The following GSAP variants were observed in gnomAD, a reference collection of about 807,000 sequenced individuals.
GSAP encodes the protein gamma-secretase activating protein, also known as gamma-secretase-activating protein.
Under a neutral mutation model 131.7 loss-of-function variants are expected in GSAP, and 118 were observed. The ratio of observed to expected loss-of-function variants is 0.90; its 90% CI spans 0.77 to 1.04. The LOEUF (loss-of-function observed/expected upper bound fraction) is 1.04, where lower values mean the gene tolerates loss of function less well. GSAP is among the 50% of genes least tolerant of loss of function. The probability of loss-of-function intolerance (pLI) is 0.00; values close to 1 mark genes in which losing one functional copy is unlikely to be tolerated. For missense variants in GSAP, 1,019 were observed against 1,013.2 expected, an observed-to-expected ratio of 1.01 and a Z score of -0.08; for synonymous variants, 381 against 363.4, an observed-to-expected ratio of 1.05 and a Z score of -0.55.
rs775555897 is a variant in GSAP at position 77,355,387 on chromosome 7, C to T, written c.1164G>A (p.Gln388=). 2 of 1,610,896 alleles carry T rather than the reference C, an allele frequency of 1.2e-6. No individual in the cohort carries two copies. Among genetic ancestry groups the T allele is most frequent in the South Asian group, 2.2e-5 (2 of 90,964 alleles). The change falls in exon 16 of 31, where the codon CAG becomes CAA. Residue 388 remains glutamine (Q), a synonymous_variant. Transcript: ENST00000257626. ...CCAATACCAGGGACCCTGACAATGA[C>T]TGTAAAGGGCAATGAGGTAGCATAT... The part of the protein sequence containing the change: ...MIDMLPHCPL[Q]SLSGSLVLDC...
chr7:77,397,276 A>T, intron 4 of GSAP, 70 bp downstream of exon 4: 1 of 971,448 alleles, frequency 1.0e-6, no homozygotes, highest in Middle Eastern at 2.2e-4. Flanking sequence ...TACTGCAAAA[A>T]TCTAATACTT....
chr7:77,330,849 C>G, intron 19 of GSAP: 4 of 982,502 alleles, frequency 4.1e-6, no homozygotes, highest in Non-Finnish European at 4.8e-6. Flanking sequence ...TTTTCAAAAC[C>G]TAGGAATCAA....
chr7:77,359,321 T>A (rs972421270), intron 14 of GSAP, among the ~76,000 whole-genome samples: 1 of 152,138 alleles, frequency 6.6e-6, no homozygotes, highest in Non-Finnish European at 1.5e-5. Flanking sequence ...GGAGATAATA[T>A]CACCAATCAG....
At chr7:77,400,211 G>A (rs902797902) in intron 3 of GSAP, among the ~76,000 whole-genome samples, 1 of 152,054 alleles carries the variant, frequency 6.6e-6, no homozygotes, top group Non-Finnish European at 1.5e-5. Context: ...TAGGAAATCA[G>A]GACTTTCAAC....
chr7:77,328,752 T>C (rs540391931), intron 21 of GSAP, 115 bp from the exon 22 acceptor site: 4 of 673,750 alleles, frequency 5.9e-6, no homozygotes, highest in Admixed American at 2.7e-5. Flanking sequence ...GTAGAAACTA[T>C]TCTCAAGCTG....
chr7:77,407,935 T>C (rs1442745480), intron 1 of GSAP, among the ~76,000 whole-genome samples: 1 of 152,198 alleles, frequency 6.6e-6, no homozygotes, highest in Non-Finnish European at 1.5e-5. Flanking sequence ...GAATTAATAT[T>C]CTGCAATAAC....
chr7:77,346,828 A>G (rs1215586950), intron 19 of GSAP, among the ~76,000 whole-genome samples: 2 of 152,040 alleles, frequency 1.3e-5, no homozygotes, highest in Non-Finnish European at 2.9e-5. Flanking sequence ...TGATGTTATA[A>G]TATCGGGTAT....
At position 77,413,902 on chromosome 7, in the gene GSAP, C is replaced by A. The variant is rs1237317871; in HGVS notation, c.109+2311G>T. On this transcript the variant is annotated intron_variant, in intron 1 of 30. Coordinates refer to ENST00000257626, the MANE Select transcript of GSAP (RefSeq NM_017439.4). ...ATTTACAGCTACCTGTTAAAATATT[C>A]TTTTATGTAGTTGTTTTGATTTTTA... 1.6e-3 allele frequency among the ~76,000 whole-genome samples: 239 copies of A among 150,534 alleles called. 6 individuals carry two copies. The highest frequency in any genetic ancestry group is 2.1e-4 in the Non-Finnish European group (14 of 67,594).
At chr7:77,410,897 T>A (rs1219425182) in intron 1 of GSAP, among the ~76,000 whole-genome samples, 1 of 152,114 alleles carries the variant, frequency 6.6e-6, no homozygotes, top group Non-Finnish European at 1.5e-5. Flanking sequence ...ACATTCCTAT[T>A]CTGTAAATAA....
intron 26 of GSAP, chr7:77,315,866 A>T (rs137878618): frequency 6.6e-6 from 1 of 152,256 alleles, no homozygotes; most frequent in East Asian, 1.9e-4. Flanking sequence ...AGGGGCTAAG[A>T]GTATAAAAAT....
chr7:77,385,376 A>G (rs1236591443), intron 6 of GSAP, among the ~76,000 whole-genome samples: 1 of 152,148 alleles, frequency 6.6e-6, no homozygotes, highest in African/African-American at 2.4e-5. Context: ...CATAAAATTT[A>G]CCATTTTAAC....
chr7:77,322,549 T>G (rs938808365), intron 24 of GSAP, among the ~76,000 whole-genome samples: 1 of 151,650 alleles, frequency 6.6e-6, no homozygotes, highest in African/African-American at 2.4e-5. Context: ...ATAAAGGTGA[T>G]AGGTGGATGT....
At chr7:77,406,302 T>C (rs1247618671) in intron 1 of GSAP, among the ~76,000 whole-genome samples, 197 bp from the exon 2 acceptor site, 1 of 152,222 alleles carries the variant, frequency 6.6e-6, no homozygotes, top group Non-Finnish European at 1.5e-5. Context: ...GCCATAGTCA[T>C]TGAGAGGTAT....
intron 19 of GSAP, among the ~76,000 whole-genome samples, chr7:77,346,270 C>CAAAAAAAAAAAAAAAAAAAAAAAAA (rs1223497863): frequency 2.4e-5 from 1 of 40,884 alleles, no homozygotes; most frequent in Non-Finnish European, 4.7e-5. Flanking sequence ...GACTCCATCT[C>CAAAAAAAAAAAAAAAAAAAAAAAAA]AAAAAAAAAA....
intron 1 of GSAP, among the ~76,000 whole-genome samples, chr7:77,410,006 T>C (rs985227688): frequency 6.6e-6 from 1 of 152,168 alleles, no homozygotes; most frequent in African/African-American, 2.4e-5. Flanking sequence ...TGGAGCCCAC[T>C]CTCTGGTGTA....
intron 15 of GSAP, 46 bp downstream of exon 15, chr7:77,355,509 C>T: frequency 6.5e-7 from 1 of 1,527,418 alleles, no homozygotes. Flanking sequence ...AAAGTCAAAA[C>T]AAACTCAAAT....
rs1012240569 is a variant in GSAP, at chr7:77,351,383, T to G, written c.1491+1561A>C. 4 of 971,988 alleles carry G rather than the reference T, an allele frequency of 4.1e-6. No homozygotes were observed. In the African/African-American group the frequency reaches 7.1e-5, roughly 17 times the overall value. 60.2% of individuals were successfully genotyped at this position (971,988 alleles called of 1,614,324 possible). On this transcript the variant is annotated intron_variant, in intron 18 of 30. Transcript: ENST00000257626. ...AAGTCAGTTGTCTCCTACAAAAATG[T>G]GAAATCCATGTTTTCGCCTGTGGAA...
intron 14 of GSAP, among the ~76,000 whole-genome samples, chr7:77,357,559 G>A (rs1412497524): frequency 6.6e-6 from 1 of 151,504 alleles, no homozygotes; most frequent in Non-Finnish European, 1.5e-5. Flanking sequence ...GGGTTCCCTG[G>A]GCCACACTGG....
At chr7:77,416,047 T>G (rs901887448) in intron 1 of GSAP, among the ~76,000 whole-genome samples, 166 bp downstream of exon 1, 2 of 152,158 alleles carry the variant, frequency 1.3e-5, no homozygotes, top group African/African-American at 4.8e-5. Flanking sequence ...TGGCTGGGTG[T>G]GGGTGGCAAA....
Sources: allele counts gnomAD v4.1 joint callset (sites outside exome capture counted in the v4.1 genomes callset), GRCh38; gene constraint gnomAD v4.1.1; transcripts MANE v1.5; gene names NCBI Gene and HGNC (gene_info 2026-07-23, HGNC 2026-07-21).